USP40: variants seen among roughly 807,000 people sequenced by gnomAD.
USP40 encodes ubiquitin specific peptidase 40.
In USP40, 143 loss-of-function variants were observed where a neutral mutation model predicts 166.2. That is an observed-to-expected ratio of 0.86 (90% CI 0.75 to 0.99). The LOEUF is 0.99. Among genes scored for constraint, USP40 ranks in the 50% least tolerant of loss-of-function variants. The pLI, the probability that USP40 is intolerant of heterozygous loss-of-function variation, is 0.00. For missense variants in USP40, 1,444 were observed against 1,479.7 expected (o/e 0.98, Z 0.40); for synonymous variants, 498 against 524.0 (o/e 0.95, Z 0.68).
intron 22 of USP40, among the ~76,000 whole-genome samples, chr2:233,499,494 G>A (rs2065938859): frequency 2.0e-5 from 3 of 152,104 alleles, no homozygotes; most frequent in Non-Finnish European, 4.4e-5. Context: ...CTTTATAATA[G>A]AATACTTTAT....
intron 11 of USP40, among the ~76,000 whole-genome samples, chr2:233,531,869 T>C (rs1477574328): frequency 6.6e-6 from 1 of 152,198 alleles, no homozygotes; most frequent in Non-Finnish European, 1.5e-5. Context: ...CGAAAAATCT[T>C]ACTAGGCCTC....
chr2:233,492,319 C>T lies in USP40; in HGVS notation c.2918-1058G>A, dbSNP rs79828737. Among the ~76,000 whole-genome samples, 6 of 152,168 alleles carry T rather than the reference C, an allele frequency of 3.9e-5. No individual in the cohort carries two copies. The East Asian group carries it at 5.8e-4, about 15-fold the overall frequency. ...TCTAGGTTTGTGTAAATCACTCTAC[C>T]GTGTTCACATAATGATGAAATCATC... On this transcript the variant is annotated intron_variant, in intron 25 of 31. Coordinates refer to ENST00000678225, the MANE Select transcript of USP40 (RefSeq NM_001365479.2).
In USP40 at chr2:233,477,107, A is replaced by G; in HGVS notation, c.*285T>C. 1 of 416,570 alleles carries G rather than the reference A, an allele frequency of 2.4e-6. No individual in the cohort carries two copies. The highest frequency in any genetic ancestry group is 4.5e-6 in the Non-Finnish European group (1 of 221,440). 25.8% of individuals were successfully genotyped at this position (416,570 alleles called of 1,614,324 possible). On this transcript the variant is annotated 3_prime_UTR_variant, in exon 32 of 32. Transcript: ENST00000678225. ...ACGTTGTGCATTTTCTGGTTAAAAGAAAAAAAAAGGCAGCTGGGGCCGGGT... is the reference window on the plus strand; with the variant it reads ...ACGTTGTGCATTTTCTGGTTAAAAGGAAAAAAAAGGCAGCTGGGGCCGGGT...
chr2:233,527,095 ACT>A (rs1297619305), intron 13 of USP40, among the ~76,000 whole-genome samples: 1 of 152,006 alleles, frequency 6.6e-6, no homozygotes, highest in East Asian at 1.9e-4. Context: ...TTATCTTTTC[ACT>A]CTCTTTGAAA....
intron 11 of USP40, among the ~76,000 whole-genome samples, chr2:233,530,349 T>C (rs935868860): frequency 2.0e-5 from 3 of 152,204 alleles, no homozygotes; most frequent in African/African-American, 7.2e-5. Context: ...TAGTCCATTC[T>C]ATAAGGAGCA....
chr2:233,510,193 T>C, intron 20 of USP40, 58 bp from the exon 21 acceptor site: 1 of 1,332,756 alleles, frequency 7.5e-7, no homozygotes, highest in Non-Finnish European at 1.0e-6. Flanking sequence ...ATCCAATAAA[T>C]GTATTATTTA....
In USP40 at chr2:233,554,539, T is replaced by C; in HGVS notation, c.547-13A>G. 2 of 1,592,334 alleles carry C rather than the reference T, an allele frequency of 1.3e-6. No individual in the cohort carries two copies. On this transcript the variant is annotated splice_polypyrimidine_tract_variant and intron_variant, in intron 5 of 31. Coordinates refer to ENST00000678225, the MANE Select transcript of USP40 (RefSeq NM_001365479.2). Reference sequence around the variant, plus strand: ...CTAAGAAGTCTTCCTGAAATAGACATGAATATAATATTGAAAAACAATTTC... The same window carrying C: ...CTAAGAAGTCTTCCTGAAATAGACACGAATATAATATTGAAAAACAATTTC...
intron 10 of USP40, among the ~76,000 whole-genome samples, chr2:233,534,849 C>T (rs1038604959): frequency 1.3e-5 from 2 of 152,082 alleles, no homozygotes; most frequent in Non-Finnish European, 2.9e-5. Context: ...CTCTTTTAAG[C>T]CTCAAACATC....
Position 233,523,249 on chromosome 2 carries a change from C to T in USP40, c.2122G>A (p.Asp708Asn), listed in dbSNP as rs1474975912. 1 of 1,613,880 alleles carries T rather than the reference C, an allele frequency of 6.2e-7. No homozygotes were observed. The highest frequency in any genetic ancestry group is 8.5e-7 in the Non-Finnish European group (1 of 1,179,882). Reference protein sequence around the residue: ...GEGWTAIPKEDMRKTFREQGL... With the variant: ...GEGWTAIPKENMRKTFREQGL... ...TGCTCCCTGAACGTCTTCCTCATGT[C>T]TTCCTTGGGGATGGCCGTCCAACCC... The change falls in exon 16 of 32, where the codon GAC becomes AAC. Residue 708 changes from aspartate to asparagine, a missense_variant. Physicochemically the swap from Asp to Asn is conservative, Grantham distance 23. Coordinates refer to ENST00000678225, the MANE Select transcript of USP40 (RefSeq NM_001365479.2).
At chr2:233,549,006 G>T in intron 8 of USP40, 95 bp downstream of exon 8, 1 of 1,253,192 alleles carries the variant, frequency 8.0e-7, no homozygotes, top group Non-Finnish European at 1.1e-6. Flanking sequence ...CTATAGAGTG[G>T]ATATATAATA....
chr2:233,563,199 G>T (rs1374782205), intron 2 of USP40, among the ~76,000 whole-genome samples: 1 of 152,176 alleles, frequency 6.6e-6, no homozygotes, highest in Non-Finnish European at 1.5e-5. Context: ...TCGTGGGAAG[G>T]ATCCTCTTTT....
chr2:233,518,586 A>G (rs1401247634), intron 18 of USP40, among the ~76,000 whole-genome samples: 1 of 150,004 alleles, frequency 6.7e-6, no homozygotes, highest in Non-Finnish European at 1.5e-5. Flanking sequence ...AAAAAAAAAA[A>G]GATAATCACA....
chr2:233,491,427 G>C (rs1245376541), intron 25 of USP40, 166 bp from the exon 26 acceptor site: 4 of 623,134 alleles, frequency 6.4e-6, no homozygotes, highest in Non-Finnish European at 1.2e-5. Flanking sequence ...TAAGCAGGCA[G>C]GGACATGTTG....
At position 233,475,674 on chromosome 2, in the gene USP40, G is replaced by C. The variant is rs948112935; in HGVS notation, c.*1718C>G. On this transcript the variant is annotated 3_prime_UTR_variant, in exon 32 of 32. Coordinates refer to ENST00000678225, the MANE Select transcript of USP40 (RefSeq NM_001365479.2). ...GCCCGGCCGCACGCGCCTGCTGGAC[G>C]GCACTTCAGGGCACAACCCACACGC... 1.3e-5 allele frequency: 2 copies of C among 152,372 alleles called. No individual in the cohort carries two copies. Among genetic ancestry groups the C allele is most frequent in the South Asian group, 2.1e-4 (1 of 4,834 alleles). 9.4% of individuals were successfully genotyped at this position (152,372 alleles called of 1,614,324 possible).
chr2:233,493,648 G>T lies in USP40; in HGVS notation c.2791-97C>A. On this transcript the variant is annotated intron_variant, in intron 24 of 31. Coordinates refer to ENST00000678225, the MANE Select transcript of USP40 (RefSeq NM_001365479.2). The surrounding 1 kb of genome is among the most constrained non-coding windows in gnomAD (Gnocchi z 4.7). ...AAGAAACACCTTGATGACCTAAGATGTTCTTGAACTTATCATTTTTCCTTT... is the reference window on the plus strand; with the variant it reads ...AAGAAACACCTTGATGACCTAAGATTTTCTTGAACTTATCATTTTTCCTTT... 7.8e-7 allele frequency: 1 copy of T among 1,290,076 alleles called. No homozygotes were observed. The highest frequency in any genetic ancestry group is 1.0e-6 in the Non-Finnish European group (1 of 973,232). 79.9% of individuals were successfully genotyped at this position (1,290,076 alleles called of 1,614,324 possible).
chr2:233,496,890 G>T, intron 23 of USP40, 58 bp from the exon 24 acceptor site: 2 of 1,381,020 alleles, frequency 1.4e-6, no homozygotes, highest in Non-Finnish European at 1.0e-6. Context: ...GCAGATCATT[G>T]ATCTTTTTAA....
At chr2:233,533,421 C>T (rs190559390) in intron 11 of USP40, 58 bp downstream of exon 11, 2 of 1,497,864 alleles carry the variant, frequency 1.3e-6, no homozygotes, top group South Asian at 1.3e-5. Flanking sequence ...AACAGCATTC[C>T]ATGTTTATCT....
At chr2:233,523,081 G>C (rs2067766162) in intron 16 of USP40, 89 bp downstream of exon 16, 1 of 1,323,934 alleles carries the variant, frequency 7.6e-7, no homozygotes, top group Non-Finnish European at 1.0e-6. Context: ...TTCAACTCTT[G>C]TCACTAAAAT....
At chr2:233,508,242 A>C (rs1207884405) in intron 21 of USP40, among the ~76,000 whole-genome samples, 1 of 152,266 alleles carries the variant, frequency 6.6e-6, no homozygotes, top group Non-Finnish European at 1.5e-5. Context: ...ACTAATGTTC[A>C]CATTTCTCTA....
Sources: gnomAD v4.1 joint callset for allele counts (sites outside exome capture counted in the v4.1 genomes callset) on GRCh38, gnomAD v4.1.1 for gene constraint, Gnocchi (gnomAD v3.1) non-coding constraint, MANE v1.5 for transcripts, NCBI Gene and HGNC (gene_info 2026-07-23, HGNC 2026-07-21) for gene names.